The following FEZ2 variants were observed in gnomAD, a reference collection of about 807,000 sequenced individuals.
The protein encoded by FEZ2 is fasciculation and elongation protein zeta-2.
FEZ2 carries 51 observed loss-of-function variants against 40.4 expected under a neutral mutation model. That is an observed-to-expected ratio of 1.26 (90% CI 1.01 to 1.59). The LOEUF is 1.59. FEZ2 is among the 40% of genes most tolerant of loss of function. The pLI, the probability that FEZ2 is intolerant of heterozygous loss-of-function variation, is 0.00. For synonymous variants in FEZ2, 242 were observed against 172.0 expected, an observed-to-expected ratio of 1.41 and a Z score of -3.18; for missense variants, 640 against 438.3, an observed-to-expected ratio of 1.46 and a Z score of -4.11.
Position 36,578,602 on chromosome 2 carries a change from C to G in FEZ2, c.898G>C (p.Gly300Arg), listed in dbSNP as rs201950128. Residue 300 changes from glycine to arginine, a missense_variant, in exon 5 of 8, where the codon GGC becomes CGC. By Grantham distance (125) the Gly-to-Arg change is moderately radical. Transcript: ENST00000405912. The part of the protein sequence containing the change: ...NGKNERSHMP[G>R]TYLTTVIPYE... ...TCCTGCAAAACATCACTTACTGTGC[C>G]GGGCATATGACTTCTCTCATTCTTC... is the stretch of plus-strand genomic sequence containing the variant. The G allele has an allele frequency of 1.9e-6, 3 of 1,611,134 alleles. No homozygotes were observed. The African/African-American group carries it at 4.0e-5, about 22-fold the overall frequency.
rs1358035440 is a variant in FEZ2 at position 36,581,338 on chromosome 2, G to A, written c.586C>T (p.Gln196Ter). 2.5e-6 allele frequency: 4 copies of A among 1,613,540 alleles called. No individual in the cohort carries two copies. The highest frequency in any genetic ancestry group is 2.5e-6 in the Non-Finnish European group (3 of 1,179,684). ...GACCTCTTGAGAGTTTGAATTTCCT[G>A]GGAAAGCATTGAAAGCCGATCTGAC... ...TQSDRLSMLS[Q>*]EIQTLKRSST... The change falls in exon 4 of 8, where the codon CAG becomes TAG. Residue 196 changes from glutamine (Q) to a stop codon, truncating the protein, a stop_gained. Transcript: ENST00000405912. LOFTEE classifies it high-confidence loss of function.
In FEZ2 at chr2:36,580,011, T is replaced by C. The variant is rs556264708; in HGVS notation, c.635-1146A>G. Among the ~76,000 whole-genome samples the C allele has an allele frequency of 3.4e-3, 510 of 152,118 alleles. 6 individuals are homozygous for C. Among genetic ancestry groups the C allele is most frequent in the African/African-American group, 0.011 (475 of 41,484 alleles). The stretch of plus-strand genomic sequence containing the variant: ...ACAGTAGGAAGACCACGTGAAGACA[T>C]AGGGAAAAGGCAGCCATCTGCATGT... On this transcript the variant is annotated intron_variant, in intron 4 of 7. Coordinates refer to ENST00000405912, the MANE Select transcript of FEZ2 (RefSeq NM_005102.3).
chr2:36,589,116 A>T (rs848610), intron 2 of FEZ2, among the ~76,000 whole-genome samples: 73,496 of 152,094 alleles, frequency 0.48, 19,158 homozygotes, highest in East Asian at 0.85. Context: ...GGTATCTTCA[A>T]ACTTACTATG....
intron 5 of FEZ2, among the ~76,000 whole-genome samples, chr2:36,570,883 C>T (rs1246130601): frequency 1.3e-5 from 2 of 152,184 alleles, no homozygotes; most frequent in South Asian, 2.1e-4. Context: ...CACTATGTGG[C>T]ACAAGACTGT....
intron 2 of FEZ2, among the ~76,000 whole-genome samples, chr2:36,585,514 G>T (rs1483959883): frequency 6.6e-6 from 1 of 152,158 alleles, no homozygotes; most frequent in Non-Finnish European, 1.5e-5. Context: ...TGGGTGGGGA[G>T]GGAGAGCAGA....
intron 5 of FEZ2, among the ~76,000 whole-genome samples, chr2:36,573,365 A>G (rs1316157446): frequency 6.6e-6 from 1 of 152,228 alleles, no homozygotes; most frequent in Non-Finnish European, 1.5e-5. Context: ...AAATTACAAC[A>G]TAACCTGGTG....
intron 5 of FEZ2, among the ~76,000 whole-genome samples, chr2:36,564,804 T>C (rs1392720076): frequency 6.6e-6 from 1 of 152,152 alleles, no homozygotes; most frequent in African/African-American, 2.4e-5. Flanking sequence ...GCAGGAGGTC[T>C]TGCAATTCTC....
intron 5 of FEZ2, among the ~76,000 whole-genome samples, chr2:36,576,426 C>T (rs9917318): frequency 0.32 from 48,885 of 152,000 alleles, 8,141 homozygotes; most frequent in Middle Eastern, 0.51. Context: ...TGCGCCACCA[C>T]GCCCAACTAA....
chr2:36,565,460 C>T (rs1668209540), intron 5 of FEZ2, among the ~76,000 whole-genome samples: 1 of 152,110 alleles, frequency 6.6e-6, no homozygotes, highest in South Asian at 2.1e-4. Flanking sequence ...GAGTTTCTTG[C>T]CCCCTCACCT....
intron 6 of FEZ2, chr2:36,557,704 T>A (rs923123937): frequency 6.6e-6 from 1 of 152,188 alleles, no homozygotes; most frequent in African/African-American, 2.4e-5. Context: ...ATATTTTTTA[T>A]CCTAGTTTTT....
chr2:36,564,198 T>C (rs1057263459), intron 5 of FEZ2, among the ~76,000 whole-genome samples: 22 of 152,228 alleles, frequency 1.4e-4, no homozygotes, highest in African/African-American at 5.1e-4. Context: ...TCTGCATGTT[T>C]AATGGCCAAT....
chr2:36,560,809 A>C (rs201386130), intron 5 of FEZ2: 2 of 1,610,396 alleles, frequency 1.2e-6, no homozygotes, highest in East Asian at 2.2e-5. Context: ...CTGAATTTCC[A>C]AAGGTGTGGC....
At chr2:36,560,949 T>A in intron 5 of FEZ2, 1 of 782,178 alleles carries the variant, frequency 1.3e-6, no homozygotes, top group Non-Finnish European at 2.1e-6. Flanking sequence ...CATGATGACT[T>A]ATGTGCCCAA....
Position 36,597,701 on chromosome 2 carries a change from G to A in FEZ2, c.266+176C>T, listed in dbSNP as rs560985776. Among the ~76,000 whole-genome samples, 476 of 152,338 alleles carry A rather than the reference G, an allele frequency of 3.1e-3. 2 individuals are homozygous for A. Among genetic ancestry groups the A allele is most frequent in the African/African-American group, 0.011 (457 of 41,584 alleles). On this transcript the variant is annotated intron_variant, in intron 1 of 7. Coordinates refer to ENST00000405912, the MANE Select transcript of FEZ2 (RefSeq NM_005102.3). ...AGGGCTCGTGGCGGCGGGGGGCAGG[G>A]GATTTAAATTGCTGGGCGAGCCGAG...
At chr2:36,593,876 C>CAA (rs1669141147) in intron 1 of FEZ2, among the ~76,000 whole-genome samples, 1 of 151,526 alleles carries the variant, frequency 6.6e-6, no homozygotes, top group Non-Finnish European at 1.5e-5. Flanking sequence ...AGTCAGGCTG[C>CAA]AAATTTTCCA....
intron 1 of FEZ2, among the ~76,000 whole-genome samples, chr2:36,597,644 G>A (rs1669266530): frequency 1.3e-5 from 2 of 152,260 alleles, no homozygotes; most frequent in African/African-American, 2.4e-5. Flanking sequence ...TTTGCAGGAA[G>A]GAGGGCGGGA....
chr2:36,554,729 T>G (rs1225895010), intron 7 of FEZ2, among the ~76,000 whole-genome samples: 1 of 152,216 alleles, frequency 6.6e-6, no homozygotes, highest in Non-Finnish European at 1.5e-5. Context: ...AATGTGTGAT[T>G]CACTTTGAGC....
intron 4 of FEZ2, chr2:36,579,150 AAT>A (rs1668663535): frequency 2.8e-6 from 1 of 353,774 alleles, no homozygotes; most frequent in African/African-American, 2.2e-5. Flanking sequence ...TCATTGCATG[AAT>A]AATACTTCAG....
intron 5 of FEZ2, among the ~76,000 whole-genome samples, chr2:36,559,870 A>G (rs918146839): frequency 6.6e-6 from 1 of 152,208 alleles, no homozygotes; most frequent in Admixed American, 6.5e-5. Flanking sequence ...ACATCCCTTC[A>G]TGGAGCTCAT....
Sources: gnomAD v4.1 joint callset for allele counts (sites outside exome capture counted in the v4.1 genomes callset) on GRCh38, gnomAD v4.1.1 for gene constraint, MANE v1.5 for transcripts, NCBI Gene and HGNC (gene_info 2026-07-23, HGNC 2026-07-21) for gene names.